GRM1: variants seen among roughly 807,000 people sequenced by gnomAD.
GRM1 encodes metabotropic glutamate receptor 1.
A neutral mutation model predicts 90.9 loss-of-function variants in GRM1; 33 were observed. That is an observed-to-expected ratio of 0.36 (90% CI 0.28 to 0.49). The LOEUF is 0.49. Among genes scored for constraint, GRM1 ranks in the 20% least tolerant of loss-of-function variants. The pLI is 0.99. For synonymous variants in GRM1, 700 were observed against 613.2 expected, an observed-to-expected ratio of 1.14 and a Z score of -2.09; for missense variants, 1,190 against 1,534.3, an observed-to-expected ratio of 0.78 and a Z score of 3.75.
At chr6:146,102,900 T>C (rs1177414292) in intron 1 of GRM1, among the ~76,000 whole-genome samples, 1 of 152,198 alleles carries the variant, frequency 6.6e-6, no homozygotes, top group African/African-American at 2.4e-5. Flanking sequence ...TTTTCAATGT[T>C]CACAAAAGTG....
chr6:146,136,842 A>C (rs997069482), intron 1 of GRM1, among the ~76,000 whole-genome samples: 33 of 146,784 alleles, frequency 2.2e-4, no homozygotes, highest in Non-Finnish European at 7.5e-5. Context: ...TCTTTGTTGT[A>C]CAGAAGCTTT....
intron 2 of GRM1, among the ~76,000 whole-genome samples, chr6:146,293,879 A>G (rs1296107557): frequency 2.6e-5 from 4 of 151,612 alleles, no homozygotes; most frequent in Non-Finnish European, 5.9e-5. Flanking sequence ...GTTAAAATTT[A>G]TTGGCATCAA....
At chr6:146,119,068 G>A (rs1775878406) in intron 1 of GRM1, among the ~76,000 whole-genome samples, 1 of 152,196 alleles carries the variant, frequency 6.6e-6, no homozygotes, top group African/African-American at 2.4e-5. Context: ...CAGTGTGAAA[G>A]TGTTCCTGTT....
At chr6:146,334,424 C>A (rs1424861650) in intron 3 of GRM1, among the ~76,000 whole-genome samples, 1 of 152,142 alleles carries the variant, frequency 6.6e-6, no homozygotes, top group African/African-American at 2.4e-5. Flanking sequence ...TAAAAAAATT[C>A]AAAAATCATA....
chr6:146,320,685 G>T (rs199774260), intron 3 of GRM1, among the ~76,000 whole-genome samples: 1 of 151,914 alleles, frequency 6.6e-6, no homozygotes, highest in Non-Finnish European at 1.5e-5. Flanking sequence ...GTTCTTCCTG[G>T]TTCAGTCTTG....
At chr6:146,334,455 A>G (rs1327874266) in intron 3 of GRM1, among the ~76,000 whole-genome samples, 2 of 152,222 alleles carry the variant, frequency 1.3e-5, no homozygotes, top group Non-Finnish European at 2.9e-5. Context: ...AAATGCTTCT[A>G]CACATTTGGC....
At chr6:146,246,246 GC>G (rs1413379102) in intron 2 of GRM1, among the ~76,000 whole-genome samples, 2 of 152,150 alleles carry the variant, frequency 1.3e-5, no homozygotes, top group African/African-American at 4.8e-5. Flanking sequence ...TGTACCTACT[GC>G]TCAGATGACA....
chr6:146,075,989 G>T (rs904659624), intron 1 of GRM1, among the ~76,000 whole-genome samples: 3 of 152,178 alleles, frequency 2.0e-5, no homozygotes, highest in African/African-American at 7.2e-5. Flanking sequence ...TGGGAATTAG[G>T]ACTTCAACAT....
intron 1 of GRM1, among the ~76,000 whole-genome samples, chr6:146,044,103 G>A (rs932976340): frequency 6.6e-6 from 1 of 151,834 alleles, no homozygotes; most frequent in South Asian, 2.1e-4. Flanking sequence ...TCTGGGACCT[G>A]CCATGAGGCT....
Position 146,304,717 on chromosome 6 carries a change from T to C in GRM1, c.1057T>C (p.Tyr353His), listed in dbSNP as rs775896196. 1 of 1,613,896 alleles carries C rather than the reference T, an allele frequency of 6.2e-7. No individual in the cohort carries two copies. The highest frequency in any genetic ancestry group is 1.1e-5 in the South Asian group (1 of 91,074). ...TCCAGAGGTCAGGTCATTTGATGAT[T>C]ATTTCCTGAAACTGAGGCTGGACAC... is the stretch of plus-strand genomic sequence containing the variant. The part of the protein sequence containing the change: ...QSPEVRSFDD[Y>H]FLKLRLDTNT... Residue 353 changes from tyrosine (Y) to histidine (H), a missense_variant, in exon 3 of 8, where the codon TAT becomes CAT. Coordinates refer to ENST00000282753, the MANE Select transcript of GRM1 (RefSeq NM_001278064.2).
intron 1 of GRM1, among the ~76,000 whole-genome samples, chr6:146,073,795 A>T (rs764948744): frequency 1.3e-5 from 2 of 152,186 alleles, no homozygotes; most frequent in Non-Finnish European, 2.9e-5. Context: ...AACCTTGTGT[A>T]TCTGTATCTG....
At chr6:146,294,946 G>T (rs765949995) in intron 2 of GRM1, among the ~76,000 whole-genome samples, 3 of 151,882 alleles carry the variant, frequency 2.0e-5, no homozygotes, top group Non-Finnish European at 4.4e-5. Flanking sequence ...TTACAAAAAA[G>T]ATATCGATGT....
At chr6:146,274,880 A>G (rs1782296597) in intron 2 of GRM1, among the ~76,000 whole-genome samples, 1 of 152,154 alleles carries the variant, frequency 6.6e-6, no homozygotes, top group Non-Finnish European at 1.5e-5. Flanking sequence ...CTAACTAAAA[A>G]TTAGCCGGGC....
At chr6:146,206,402 C>T (rs1347729233) in intron 2 of GRM1, among the ~76,000 whole-genome samples, 1 of 152,008 alleles carries the variant, frequency 6.6e-6, no homozygotes, top group African/African-American at 2.4e-5. Flanking sequence ...CTGTCAGTTG[C>T]CAGGGTTATC....
chr6:146,354,935 T>TA (rs565590598), intron 4 of GRM1, among the ~76,000 whole-genome samples: 40 of 151,764 alleles, frequency 2.6e-4, no homozygotes, highest in Admixed American at 1.3e-3. Flanking sequence ...TGGGACTTTT[T>TA]AAAAAAATGT....
At chr6:146,248,891 A>G (rs1244154145) in intron 2 of GRM1, among the ~76,000 whole-genome samples, 2 of 152,222 alleles carry the variant, frequency 1.3e-5, no homozygotes, top group South Asian at 2.1e-4. Flanking sequence ...ATTGGGAACT[A>G]GAGCAAAAGT....
At chr6:146,196,974 G>T (rs111351425) in intron 2 of GRM1, among the ~76,000 whole-genome samples, 1 of 151,808 alleles carries the variant, frequency 6.6e-6, no homozygotes, top group African/African-American at 2.4e-5. Context: ...GAAGATTGCA[G>T]TTGGGTTGGG....
chr6:146,029,719 G>C lies in GRM1; in HGVS notation c.202G>C (p.Gly68Arg). 1 of 1,614,078 alleles carries C rather than the reference G, an allele frequency of 6.2e-7. No individual in the cohort carries two copies. The highest frequency in any genetic ancestry group is 8.5e-7 in the Non-Finnish European group (1 of 1,180,010). Reference protein sequence around the residue: ...PAEKVPERKCGEIREQYGIQR... With the variant: ...PAEKVPERKCREIREQYGIQR... ...CGAGAAAGTGCCCGAGAGGAAGTGT[G>C]GGGAGATCAGGGAGCAGTATGGCAT... The change falls in exon 1 of 8, where the codon GGG becomes CGG. Residue 68 changes from glycine (G) to arginine (R), a missense_variant. By Grantham distance (125) the Gly-to-Arg change is moderately radical. Transcript: ENST00000282753.
At chr6:146,032,468 T>A (rs755472149) in intron 1 of GRM1, among the ~76,000 whole-genome samples, 4 of 152,170 alleles carry the variant, frequency 2.6e-5, no homozygotes, top group Non-Finnish European at 5.9e-5. Context: ...GAAGATTCAT[T>A]TTTCCTGAGG....
Sources: gnomAD v4.1 joint callset for allele counts (sites outside exome capture counted in the v4.1 genomes callset) on GRCh38, gnomAD v4.1.1 for gene constraint, MANE v1.5 for transcripts, NCBI Gene and HGNC (gene_info 2026-07-23, HGNC 2026-07-21) for gene names.